PCDH7: variants seen among roughly 807,000 people sequenced by gnomAD.
PCDH7 encodes protocadherin-7.
In PCDH7, 17 loss-of-function variants were observed where a neutral mutation model predicts 58.9. The observed-to-expected ratio is 0.29, with a 90% CI of 0.20 to 0.43. PCDH7 has a LOEUF of 0.43. PCDH7 is among the 20% of genes least tolerant of loss of function. The pLI is 1.00. For synonymous variants in PCDH7, 664 were observed against 616.4 expected (o/e 1.08, Z -1.14); for missense variants, 1,274 against 1,441.0 (o/e 0.88, Z 1.88).
intron 3 of PCDH7, among the ~76,000 whole-genome samples, chr4:31,016,982 A>G (rs549029971): frequency 6.6e-6 from 1 of 151,064 alleles, no homozygotes; most frequent in East Asian, 2.0e-4. Context: ...TGTGAGAGAG[A>G]GAGAGTTGGG....
At chr4:30,939,332 A>G (rs901746097) in intron 2 of PCDH7, among the ~76,000 whole-genome samples, 17 of 152,144 alleles carry the variant, frequency 1.1e-4, no homozygotes, top group Non-Finnish European at 2.2e-4. Flanking sequence ...GAATCCAGCC[A>G]TAATTCTGTC....
At chr4:30,752,645 T>G (rs1275421420) in intron 1 of PCDH7, among the ~76,000 whole-genome samples, 1 of 151,218 alleles carries the variant, frequency 6.6e-6, no homozygotes, top group African/African-American at 2.4e-5. Context: ...TTTTTTTTTT[T>G]TGCAAACTTT....
Position 30,964,749 on chromosome 4 carries a change from C to T in PCDH7, c.*7+14534C>T, listed in dbSNP as rs567908998. On this transcript the variant is annotated intron_variant, in intron 3 of 3. Transcript: ENST00000509759. ...GATGGAAATGAAATTGTTCTACATC[C>T]ATTTCCACTCATTCAGGCAATTCAT... is the stretch of plus-strand genomic sequence containing the variant. Among the ~76,000 whole-genome samples, 4 of 152,076 alleles carry T rather than the reference C, an allele frequency of 2.6e-5. No individual in the cohort carries two copies. In the East Asian group the frequency reaches 7.8e-4, roughly 29 times the overall value.
At chr4:31,140,930 A>G (rs1365512662) in intron 3 of PCDH7, among the ~76,000 whole-genome samples, 1 of 152,182 alleles carries the variant, frequency 6.6e-6, no homozygotes, top group Non-Finnish European at 1.5e-5. Flanking sequence ...CTAATTCTAG[A>G]TTTCCGGTGT....
chr4:31,052,869 T>C (rs1756869855), intron 3 of PCDH7, among the ~76,000 whole-genome samples: 1 of 152,188 alleles, frequency 6.6e-6, no homozygotes, highest in African/African-American at 2.4e-5. Context: ...CCCTTCAGAA[T>C]AGAGATTTTC....
intron 3 of PCDH7, among the ~76,000 whole-genome samples, chr4:31,059,373 T>C (rs1156360908): frequency 6.6e-6 from 1 of 151,928 alleles, no homozygotes; most frequent in African/African-American, 2.4e-5. Flanking sequence ...GTATGATTAC[T>C]ATTTTTTAAA....
At chr4:30,894,596 C>CACAT (rs1553909545) in intron 1 of PCDH7, among the ~76,000 whole-genome samples, 98 of 124,114 alleles carry the variant, frequency 7.9e-4, no homozygotes, top group South Asian at 3.0e-3. Flanking sequence ...CACACACACA[C>CACAT]ATATATATAT....
intron 3 of PCDH7, among the ~76,000 whole-genome samples, chr4:31,053,662 T>C (rs1477775027): frequency 6.6e-6 from 1 of 152,142 alleles, no homozygotes; most frequent in Non-Finnish European, 1.5e-5. Flanking sequence ...GTACTCTCTT[T>C]TTACTGTGAC....
At chr4:30,816,959 G>A (rs963935856) in intron 1 of PCDH7, among the ~76,000 whole-genome samples, 1 of 152,094 alleles carries the variant, frequency 6.6e-6, no homozygotes, top group Non-Finnish European at 1.5e-5. Flanking sequence ...ATCTATTCTT[G>A]CATCACTTTG....
At chr4:31,117,016 G>T (rs1370353486) in intron 3 of PCDH7, among the ~76,000 whole-genome samples, 2 of 151,964 alleles carry the variant, frequency 1.3e-5, no homozygotes, top group African/African-American at 4.8e-5. Context: ...TGAATTTTTA[G>T]AATTTTGTAT....
At chr4:31,055,773 C>T (rs530375348) in intron 3 of PCDH7, among the ~76,000 whole-genome samples, 4 of 151,864 alleles carry the variant, frequency 2.6e-5, no homozygotes, top group South Asian at 2.1e-4. Flanking sequence ...GGCGGGGTTT[C>T]GCCATGTTAG....
Position 30,797,035 on chromosome 4 carries a change from A to G in PCDH7, c.70+72439A>G, listed in dbSNP as rs530673931. Among the ~76,000 whole-genome samples the G allele has an allele frequency of 2.0e-5, 3 of 151,976 alleles. No individual in the cohort carries two copies. The East Asian group carries it at 5.8e-4, about 29-fold the overall frequency. On this transcript the variant is annotated intron_variant, in intron 1 of 3. Coordinates refer to the PCDH7 transcript ENST00000509759. The stretch of plus-strand genomic sequence containing the variant: ...GAGTGCAGTGGTGCGATCTCGGCTC[A>G]CTGCAACCTCCGCCTCTCGGACTCA...
intron 1 of PCDH7, among the ~76,000 whole-genome samples, chr4:30,797,117 C>T (rs751649620): frequency 6.6e-6 from 1 of 151,882 alleles, no homozygotes; most frequent in Non-Finnish European, 1.5e-5. Context: ...CATGCCACCA[C>T]GCCCGGCTAA....
At chr4:31,117,138 T>A (rs1717096557) in intron 3 of PCDH7, among the ~76,000 whole-genome samples, 1 of 152,228 alleles carries the variant, frequency 6.6e-6, no homozygotes, top group African/African-American at 2.4e-5. Flanking sequence ...TGCCCCGACC[T>A]TCCAAAGTGC....
intron 1 of PCDH7, among the ~76,000 whole-genome samples, chr4:30,809,102 A>C (rs1406953288): frequency 6.6e-6 from 1 of 152,244 alleles, no homozygotes. Context: ...TCCTTTTCGC[A>C]TTCTCTATTA....
chr4:30,993,092 C>T (rs965173393), intron 3 of PCDH7, among the ~76,000 whole-genome samples: 2 of 152,074 alleles, frequency 1.3e-5, no homozygotes, highest in Non-Finnish European at 2.9e-5. Flanking sequence ...AGCCACCGTG[C>T]CCGGCCTGTC....
intron 3 of PCDH7, among the ~76,000 whole-genome samples, chr4:30,998,890 T>A (rs1173644993): frequency 6.6e-6 from 1 of 152,130 alleles, no homozygotes. Flanking sequence ...GAAAGGAAGC[T>A]GTCATTGGAA....
chr4:31,039,556 T>A (rs1364809819), intron 3 of PCDH7, among the ~76,000 whole-genome samples: 1 of 152,094 alleles, frequency 6.6e-6, no homozygotes, highest in East Asian at 1.9e-4. Flanking sequence ...AATGGGACTT[T>A]GCCCAGCCAT....
chr4:31,084,895 C>T (rs1175993699), intron 3 of PCDH7, among the ~76,000 whole-genome samples: 1 of 151,934 alleles, frequency 6.6e-6, no homozygotes, highest in Non-Finnish European at 1.5e-5. Flanking sequence ...GGCACTAAGC[C>T]GTTCATGAAG....
Sources: gnomAD v4.1 joint callset for allele counts (sites outside exome capture counted in the v4.1 genomes callset) on GRCh38, gnomAD v4.1.1 for gene constraint, MANE v1.5 for transcripts, NCBI Gene and HGNC (gene_info 2026-07-23, HGNC 2026-07-21) for gene names.